AKAP7: variants seen among roughly 807,000 people sequenced by gnomAD.
The protein encoded by AKAP7 is A-kinase anchoring protein 7.
Under a neutral mutation model 39.5 loss-of-function variants are expected in AKAP7, and 39 were observed. The ratio of observed to expected loss-of-function variants is 0.99; its 90% CI spans 0.76 to 1.29. The LOEUF is 1.29. Ranked by LOEUF, AKAP7 falls within the 50% of genes most tolerant of loss-of-function variation. The pLI is 0.00. For synonymous variants in AKAP7, 140 were observed against 139.1 expected (o/e 1.01, Z -0.05); for missense variants, 414 against 407.7 (o/e 1.02, Z -0.13).
intron 2 of AKAP7, among the ~76,000 whole-genome samples, chr6:131,154,627 T>A (rs550268357): frequency 1.3e-5 from 2 of 152,254 alleles, no homozygotes; most frequent in East Asian, 3.9e-4. Flanking sequence ...AATACTTTAG[T>A]ATATTTCTTT....
chr6:131,158,633 A>G (rs879062171), intron 2 of AKAP7, among the ~76,000 whole-genome samples: 3 of 151,952 alleles, frequency 2.0e-5, no homozygotes, highest in Admixed American at 2.0e-4. Context: ...CATCCTCCCA[A>G]GTAGCTGAGA....
intron 2 of AKAP7, among the ~76,000 whole-genome samples, chr6:131,156,637 C>G (rs189637944): frequency 4.6e-5 from 7 of 151,794 alleles, no homozygotes; most frequent in African/African-American, 1.7e-4. Context: ...GAGATCCTAT[C>G]GCAAAACAAA....
At chr6:131,138,497 A>C (rs763161476) in intron 1 of AKAP7, among the ~76,000 whole-genome samples, 15 of 152,136 alleles carry the variant, frequency 9.9e-5, no homozygotes, top group Admixed American at 2.0e-4. Flanking sequence ...TTGAGCATGG[A>C]TGATAGATAA....
At chr6:131,223,620 A>G (rs78855206) in intron 7 of AKAP7, among the ~76,000 whole-genome samples, 2,535 of 152,216 alleles carry the variant, frequency 0.017, 73 homozygotes, top group African/African-American at 0.058. Flanking sequence ...GTTCATTGTA[A>G]ATGGAAAACT....
chr6:131,261,449 A>G (rs933640927), intron 7 of AKAP7, among the ~76,000 whole-genome samples: 2 of 152,152 alleles, frequency 1.3e-5, no homozygotes, highest in African/African-American at 4.8e-5. Context: ...TAAAATTTTT[A>G]TGAAACTATT....
At chr6:131,277,549 TGAGA>T (rs1184885419) in intron 7 of AKAP7, among the ~76,000 whole-genome samples, 2 of 152,214 alleles carry the variant, frequency 1.3e-5, no homozygotes, top group Non-Finnish European at 2.9e-5. Context: ...GAGAGCTCAC[TGAGA>T]GACAGATACT....
chr6:131,198,257 T>G (rs1291359351), intron 5 of AKAP7, among the ~76,000 whole-genome samples: 1 of 152,208 alleles, frequency 6.6e-6, no homozygotes, highest in Non-Finnish European at 1.5e-5. Flanking sequence ...TTTGATGTCC[T>G]ATCTACTAAT....
At chr6:131,182,868 A>G (rs1805406174) in intron 5 of AKAP7, among the ~76,000 whole-genome samples, 1 of 151,984 alleles carries the variant, frequency 6.6e-6, no homozygotes, top group Non-Finnish European at 1.5e-5. Flanking sequence ...ATCGTTCTTT[A>G]TAACAAAGAA....
rs1294093875 is a variant in AKAP7 at position 131,281,761 on chromosome 6, G to A, written c.*35G>A. On this transcript the variant is annotated 3_prime_UTR_variant, in exon 8 of 8. Coordinates refer to ENST00000431975, the MANE Select transcript of AKAP7 (RefSeq NM_016377.4). This position sits in a 1 kb window ranked among gnomAD's most constrained non-coding sequence, Gnocchi z 4.0. ...GCAGGCCCCCATGTCTCTGTGCAAA[G>A]CCTCCCTGCTTCCCTCTGCTGAGTC... is the stretch of plus-strand genomic sequence containing the variant. The A allele has an allele frequency of 6.5e-7, 1 of 1,541,420 alleles. No individual in the cohort carries two copies. The highest frequency in any genetic ancestry group is 2.3e-5 in the East Asian group (1 of 43,468).
chr6:131,227,266 G>A (rs568554223), intron 7 of AKAP7, among the ~76,000 whole-genome samples: 217 of 152,272 alleles, frequency 1.4e-3, no homozygotes, highest in Non-Finnish European at 2.7e-3. Context: ...TGAAAGAGAA[G>A]CAATGGATTG....
intron 7 of AKAP7, among the ~76,000 whole-genome samples, chr6:131,240,868 G>A (rs550134991): frequency 6.2e-4 from 94 of 152,310 alleles, no homozygotes; most frequent in Non-Finnish European, 1.0e-3. Context: ...GTGAGGTGAT[G>A]CCTTGCCCTG....
chr6:131,199,928 T>A (rs1807373839), intron 6 of AKAP7: 2 of 254,182 alleles, frequency 7.9e-6, no homozygotes, highest in East Asian at 1.6e-4. Flanking sequence ...CTCTCAAAGC[T>A]TCCTCTGCTG....
At chr6:131,198,221 A>G (rs1441126777) in intron 5 of AKAP7, among the ~76,000 whole-genome samples, 1 of 152,178 alleles carries the variant, frequency 6.6e-6, no homozygotes, top group East Asian at 1.9e-4. Context: ...CATTTTGAAC[A>G]TAGGACATAC....
chr6:131,200,609 G>A (rs1807463205), intron 6 of AKAP7, among the ~76,000 whole-genome samples: 1 of 152,088 alleles, frequency 6.6e-6, no homozygotes, highest in Non-Finnish European at 1.5e-5. Context: ...CTATAGTTAA[G>A]AGTTTTCTAC....
At chr6:131,148,586 C>T (rs188982352) in intron 2 of AKAP7, among the ~76,000 whole-genome samples, 33 of 151,984 alleles carry the variant, frequency 2.2e-4, no homozygotes, top group South Asian at 1.3e-3. Flanking sequence ...ACCTTTGAAA[C>T]GTACCCCTTA....
At chr6:131,169,381 G>A in intron 5 of AKAP7, 108 bp downstream of exon 5, 14 of 1,236,188 alleles carry the variant, frequency 1.1e-5, no homozygotes, top group Non-Finnish European at 1.6e-5. Flanking sequence ...TGATGGACTA[G>A]ACTCAAGTAT....
At chr6:131,127,262 T>C in the AKAP7 span, among the ~76,000 whole-genome samples, 1 of 152,140 alleles carries the variant, frequency 6.6e-6, no homozygotes. Flanking sequence ...CTCTAACTCC[T>C]GACCTCAAGT....
intron 7 of AKAP7, among the ~76,000 whole-genome samples, chr6:131,262,413 A>T (rs959002640): frequency 1.3e-5 from 2 of 152,146 alleles, no homozygotes; most frequent in Non-Finnish European, 2.9e-5. Flanking sequence ...TAACTGGCAC[A>T]TCGTTGTTGG....
At chr6:131,226,936 A>T (rs1810218325) in intron 7 of AKAP7, among the ~76,000 whole-genome samples, 2 of 152,322 alleles carry the variant, frequency 1.3e-5, no homozygotes, top group South Asian at 4.1e-4. Flanking sequence ...GTATCATGTG[A>T]TACAGAGAAG....
Sources: gnomAD v4.1 joint callset for allele counts (sites outside exome capture counted in the v4.1 genomes callset) on GRCh38, gnomAD v4.1.1 for gene constraint, Gnocchi (gnomAD v3.1) non-coding constraint, MANE v1.5 for transcripts, NCBI Gene and HGNC (gene_info 2026-07-23, HGNC 2026-07-21) for gene names.